C1orf174: variants seen among roughly 807,000 people sequenced by gnomAD.
C1orf174 encodes UPF0688 protein C1orf174.
C1orf174 carries 13 observed loss-of-function variants against 18.4 expected under a neutral mutation model. The observed-to-expected ratio is 0.71, with a 90% confidence interval of 0.46 to 1.12. The LOEUF is 1.12. C1orf174 is among the 50% of genes most tolerant of loss of function. The pLI is 0.00. For missense variants in C1orf174, 309 were observed against 308.0 expected (o/e 1.00, Z -0.02); for synonymous variants, 100 against 118.3 (o/e 0.85, Z 1.01).
Position 3,900,083 on chromosome 1 carries a change from C to T in C1orf174, c.15+89G>A, listed in dbSNP as rs1225229383. On this transcript the variant is annotated intron_variant, in intron 1 of 3. Transcript: ENST00000361605. Reference sequence around the variant, plus strand: ...GAGGCCGCTCCTAGGCCACAGGCACCCCGTGACCCCGCCCCGGTTCTCCAG... The same window carrying T: ...GAGGCCGCTCCTAGGCCACAGGCACTCCGTGACCCCGCCCCGGTTCTCCAG... 6.1e-6 allele frequency: 9 copies of T among 1,474,974 alleles called. No individual in the cohort carries two copies. The African/African-American group carries it at 1.2e-4, about 19-fold the overall frequency. 91.4% of individuals were successfully genotyped at this position (1,474,974 alleles called of 1,614,324 possible). A position where few individuals can be genotyped will look rare whatever the true frequency, so the allele number is the denominator to read the frequency against.
chr1:3,892,816 G>T, intron 2 of C1orf174, 67 bp downstream of exon 2: 2 of 1,568,282 alleles, frequency 1.3e-6, no homozygotes, highest in Non-Finnish European at 1.7e-6. Flanking sequence ...ATCTTGGAGT[G>T]GCAATTTTGT....
rs1354518204 is a variant in C1orf174, at chr1:3,889,936, C to G, written c.*24G>C. The G allele has an allele frequency of 6.4e-7, 1 of 1,563,692 alleles. No homozygotes were observed. Among genetic ancestry groups the G allele is most frequent in the African/African-American group, 1.4e-5 (1 of 73,940 alleles). On this transcript the variant is annotated 3_prime_UTR_variant, in exon 4 of 4. Coordinates refer to ENST00000361605, the MANE Select transcript of C1orf174 (RefSeq NM_207356.3). ...CAAATTGTTAATGGTACTAAATACT[C>G]AAGGACATTATTTTGTATGGCCCCT... is the stretch of plus-strand genomic sequence containing the variant.
intron 1 of C1orf174, among the ~76,000 whole-genome samples, chr1:3,896,353 G>A (rs144862200): frequency 0.014 from 2,163 of 152,320 alleles, 26 homozygotes; most frequent in South Asian, 0.027. Flanking sequence ...CATCAACCCC[G>A]TCCTAGATAT....
At chr1:3,894,180 C>G (rs570734727) in intron 1 of C1orf174, among the ~76,000 whole-genome samples, 1 of 152,088 alleles carries the variant, frequency 6.6e-6, no homozygotes, top group Non-Finnish European at 1.5e-5. Flanking sequence ...GTTGACATGG[C>G]CGGGAAAGGC....
intron 1 of C1orf174, among the ~76,000 whole-genome samples, chr1:3,894,555 C>T (rs1638570965): frequency 1.4e-5 from 2 of 141,634 alleles, no homozygotes; most frequent in East Asian, 2.1e-4. Flanking sequence ...TGCAGTGAGC[C>T]GAGATTGCGC....
chr1:3,890,701 CTGCTTCTGCACAG>C lies in C1orf174; in HGVS notation c.473_485del (p.Thr158ArgfsTer24). The C allele has an allele frequency of 6.2e-7, 1 of 1,614,150 alleles. No individual in the cohort carries two copies. Among genetic ancestry groups the C allele is most frequent in the Non-Finnish European group, 8.5e-7 (1 of 1,180,046 alleles). On this transcript the variant is annotated frameshift_variant, in exon 3 of 4. Transcript: ENST00000361605. LOFTEE classifies it high-confidence loss of function. ...CCTCTGTCTGTAGCCCTGGCTCATT[CTGCTTCTGCACAG>C]TGGAGCTGCTGTTGGATTCTTCTGC...
chr1:3,890,283 A>G (rs1277537771), intron 3 of C1orf174, among the ~76,000 whole-genome samples: 1 of 152,214 alleles, frequency 6.6e-6, no homozygotes, highest in East Asian at 1.9e-4. Flanking sequence ...TGCTGGGTTC[A>G]AAACAAAAGA....
At chr1:3,894,043 G>A (rs1024990772) in intron 1 of C1orf174, among the ~76,000 whole-genome samples, 1 of 152,200 alleles carries the variant, frequency 6.6e-6, no homozygotes, top group African/African-American at 2.4e-5. Context: ...GATTTTATTT[G>A]TATTTTATCG....
At position 3,889,282 on chromosome 1, in the gene C1orf174, A is replaced by T. The variant is rs1638440925; in HGVS notation, c.*678T>A. The T allele has an allele frequency of 6.6e-6, 1 of 152,232 alleles. No individual in the cohort carries two copies. The highest frequency in any genetic ancestry group is 2.4e-5 in the African/African-American group (1 of 41,454). 9.4% of individuals were successfully genotyped at this position (152,232 alleles called of 1,614,324 possible). On this transcript the variant is annotated 3_prime_UTR_variant, in exon 4 of 4. Transcript: ENST00000361605. ...TCATCAAATTATGATAATGGAAAACAAACTTGCCTATGACCAAAGCTACTG... is the reference window on the plus strand; with the variant it reads ...TCATCAAATTATGATAATGGAAAACTAACTTGCCTATGACCAAAGCTACTG...
chr1:3,889,891 C>G lies in C1orf174; in HGVS notation c.*69G>C. On this transcript the variant is annotated 3_prime_UTR_variant, in exon 4 of 4. Coordinates refer to ENST00000361605, the MANE Select transcript of C1orf174 (RefSeq NM_207356.3). ...TCTTGGAGATACATTTTATATAAAT[C>G]TTGTAATGTGCTAAATTGTCAAATT... is the stretch of plus-strand genomic sequence containing the variant. 1 of 1,308,278 alleles carries G rather than the reference C, an allele frequency of 7.6e-7. No individual in the cohort carries two copies. The allele number at this position is 1,308,278 out of a possible 1,614,324, so 81.0% of individuals were successfully genotyped here. A position where few individuals can be genotyped will look rare whatever the true frequency, so the allele number is the denominator to read the frequency against.
intron 1 of C1orf174, 58 bp downstream of exon 1, chr1:3,900,114 A>G: frequency 6.4e-7 from 1 of 1,553,124 alleles, no homozygotes; most frequent in Non-Finnish European, 8.6e-7. Flanking sequence ...TCCAGACAGC[A>G]GGTGACCCAG....
At chr1:3,892,700 C>T in intron 2 of C1orf174, 183 bp downstream of exon 2, 1 of 1,442,484 alleles carries the variant, frequency 6.9e-7, no homozygotes, top group Non-Finnish European at 9.1e-7. Context: ...CCCTGGCCTG[C>T]AGAGTGTGTC....
At chr1:3,897,776 G>A (rs868133567) in intron 1 of C1orf174, among the ~76,000 whole-genome samples, 3 of 150,944 alleles carry the variant, frequency 2.0e-5, no homozygotes, top group Non-Finnish European at 4.4e-5. Flanking sequence ...CCATTCTCCC[G>A]CCTCAGCCTC....
chr1:3,890,745 A>G lies in C1orf174; in HGVS notation c.442T>C (p.Ser148Pro). The G allele has an allele frequency of 1.9e-6, 3 of 1,613,742 alleles. No homozygotes were observed. The highest frequency in any genetic ancestry group is 2.5e-6 in the Non-Finnish European group (3 of 1,179,954). Residue 148 changes from serine (S) to proline (P), a missense_variant, in exon 3 of 4, where the codon TCC (serine) becomes CCC (proline). Transcript: ENST00000361605. ...GLSVPKHSAG[S>P]GAEESNSSST... ...CTGCTGTTGGATTCTTCTGCTCCGG[A>G]CCCGGCACTGTGTTTTGGCACGGAC...
chr1:3,896,047 AG>A (rs1365309550), intron 1 of C1orf174: 1 of 152,684 alleles, frequency 6.5e-6, no homozygotes, highest in Non-Finnish European at 1.5e-5. Context: ...AAGGACACGG[AG>A]AGTCTGTGGC....
intron 1 of C1orf174, 64 bp from the exon 2 acceptor site, chr1:3,893,060 A>T: frequency 6.4e-7 from 1 of 1,557,790 alleles, no homozygotes; most frequent in Non-Finnish European, 8.7e-7. Context: ...TGTAGACGAG[A>T]ATTTCCCACC....
intron 1 of C1orf174, among the ~76,000 whole-genome samples, chr1:3,898,926 GA>G (rs1358280623): frequency 6.6e-6 from 1 of 152,088 alleles, no homozygotes; most frequent in Non-Finnish European, 1.5e-5. Context: ...AACCATATAA[GA>G]GTAACATTTC....
At chr1:3,894,135 G>T (rs967429958) in intron 1 of C1orf174, among the ~76,000 whole-genome samples, 1 of 152,228 alleles carries the variant, frequency 6.6e-6, no homozygotes, top group Non-Finnish European at 1.5e-5. Flanking sequence ...AGGAATGAGT[G>T]TGAGTAGTAG....
chr1:3,895,447 G>A (rs1557740528), intron 1 of C1orf174: 1 of 152,240 alleles, frequency 6.6e-6, no homozygotes, highest in Non-Finnish European at 1.5e-5. Context: ...TGAACTTTTC[G>A]CGTGCAACAG....
Sources: allele counts gnomAD v4.1 joint callset (sites outside exome capture counted in the v4.1 genomes callset), GRCh38; gene constraint gnomAD v4.1.1; transcripts MANE v1.5; gene names NCBI Gene and HGNC (gene_info 2026-07-23, HGNC 2026-07-21).